The following FRY variants were observed in gnomAD, a reference collection of about 807,000 sequenced individuals.
FRY encodes the protein protein furry homolog.
In FRY, 128 loss-of-function variants were observed where a neutral mutation model predicts 348.4. The ratio of observed to expected loss-of-function variants is 0.37; its 90% CI spans 0.32 to 0.43. The LOEUF is 0.43. FRY is among the 20% of genes least tolerant of loss of function. FRY has a pLI of 1.00. For missense variants in FRY, 2,736 were observed against 3,695.2 expected (o/e 0.74, Z 6.73); for synonymous variants, 1,370 against 1,374.7 (o/e 1.00, Z 0.08).
intron 2 of FRY, among the ~76,000 whole-genome samples, chr13:32,099,315 C>T (rs1424278756): frequency 6.6e-6 from 1 of 151,462 alleles, no homozygotes; most frequent in Non-Finnish European, 1.5e-5. Flanking sequence ...ATCTAAAATA[C>T]AGAGATATAT....
intron 3 of FRY, among the ~76,000 whole-genome samples, chr13:32,115,688 T>C (rs780852397): frequency 6.6e-6 from 1 of 152,024 alleles, no homozygotes; most frequent in Non-Finnish European, 1.5e-5. Context: ...CTACCTTGAG[T>C]CTTTGCTTTT....
chr13:32,201,140 A>C (rs945058224), intron 29 of FRY, among the ~76,000 whole-genome samples: 2 of 152,178 alleles, frequency 1.3e-5, no homozygotes, highest in Non-Finnish European at 2.9e-5. Context: ...TATTTTATTC[A>C]GTCTACTACA....
chr13:32,056,142 G>GGTC (rs1405902110), intron 1 of FRY, among the ~76,000 whole-genome samples: 5 of 150,966 alleles, frequency 3.3e-5, no homozygotes, highest in Non-Finnish European at 7.4e-5. Flanking sequence ...AGTGAGCTGA[G>GGTC]GTCGCATCAC....
Position 32,140,784 on chromosome 13 carries a change from G to C in FRY, c.1179+3812G>C, listed in dbSNP as rs575802811. Among the ~76,000 whole-genome samples, 7 of 152,236 alleles carry C rather than the reference G, an allele frequency of 4.6e-5. No individual in the cohort carries two copies. The South Asian group carries it at 1.2e-3, about 27-fold the overall frequency. On this transcript the variant is annotated intron_variant, in intron 11 of 60. Transcript: ENST00000542859. ...GCTTGTGTATAGCACTTCAATATTT[G>C]TATGTAATAATTGCAATGAAGTTTG...
Position 32,239,144 on chromosome 13 carries a change from A to G in FRY, c.6419-108A>G. On this transcript the variant is annotated intron_variant, in intron 44 of 60. Transcript: ENST00000542859. This position sits in a 1 kb window ranked among gnomAD's most constrained non-coding sequence, Gnocchi z 4.3. ...AGATCATGTTTAAGCTGATTCAAAA[A>G]ACTGCTTTTGCATCACCTCAGTATA... 1.3e-6 allele frequency: 1 copy of G among 773,564 alleles called. No individual in the cohort carries two copies. Among genetic ancestry groups the G allele is most frequent in the Non-Finnish European group, 2.3e-6 (1 of 429,364 alleles). The allele number at this position is 773,564 out of a possible 1,614,324, so 47.9% of individuals were successfully genotyped here.
intron 13 of FRY, among the ~76,000 whole-genome samples, chr13:32,149,217 C>CTATA (rs35267646): frequency 1.1e-3 from 160 of 147,434 alleles, no homozygotes; most frequent in Middle Eastern, 0.011. Context: ...ACCTGTTATA[C>CTATA]TATATATATA....
chr13:32,080,897 G>A (rs923335853), intron 2 of FRY, among the ~76,000 whole-genome samples: 1 of 152,190 alleles, frequency 6.6e-6, no homozygotes, highest in Non-Finnish European at 1.5e-5. Context: ...CTGTGAAGTT[G>A]TACAAAAGTT....
intron 35 of FRY, among the ~76,000 whole-genome samples, chr13:32,216,866 A>C (rs1376278541): frequency 6.6e-6 from 1 of 152,204 alleles, no homozygotes; most frequent in Non-Finnish European, 1.5e-5. Context: ...AGAAGGTTTG[A>C]GGTATGAAGT....
chr13:32,166,346 C>G (rs917148222), intron 17 of FRY, among the ~76,000 whole-genome samples: 9 of 152,180 alleles, frequency 5.9e-5, no homozygotes, highest in Non-Finnish European at 1.3e-4. Context: ...TCTTTCTTTC[C>G]TGGTCTAGTT....
At chr13:32,238,753 A>C (rs1486168286) in intron 44 of FRY, among the ~76,000 whole-genome samples, 1 of 152,174 alleles carries the variant, frequency 6.6e-6, no homozygotes, top group Non-Finnish European at 1.5e-5. Flanking sequence ...CCCAGCCAAC[A>C]AACCAGATTT....
At chr13:32,142,329 G>A (rs1267413788) in intron 11 of FRY, among the ~76,000 whole-genome samples, 1 of 152,176 alleles carries the variant, frequency 6.6e-6, no homozygotes, top group Non-Finnish European at 1.5e-5. Flanking sequence ...TGACCTCTCT[G>A]TGCCTAGAAT....
At chr13:32,220,561 G>A (rs1885262388) in intron 36 of FRY, among the ~76,000 whole-genome samples, 1 of 152,226 alleles carries the variant, frequency 6.6e-6, no homozygotes, top group Non-Finnish European at 1.5e-5. Context: ...GATGAGGAAA[G>A]TAGTACTTGA....
chr13:32,180,424 G>A (rs1010581479), intron 23 of FRY, among the ~76,000 whole-genome samples: 3 of 152,032 alleles, frequency 2.0e-5, no homozygotes, highest in Non-Finnish European at 4.4e-5. Context: ...TAGTAGAGAC[G>A]GGGTTTCACC....
At position 32,299,057 on chromosome 13, in the gene FRY, G is replaced by A. The variant is rs964472914; in HGVS notation, c.*3597G>A. The A allele has an allele frequency of 6.6e-6, 1 of 152,210 alleles. No individual in the cohort carries two copies. Among genetic ancestry groups the A allele is most frequent in the Admixed American group, 6.5e-5 (1 of 15,288 alleles). 9.4% of individuals were successfully genotyped at this position (152,210 alleles called of 1,614,324 possible). ...TGAATGTACTTAATGCCAATGAATTGTGTACTTTAAAATGGTAAATTTTAT... is the reference window on the plus strand; with the variant it reads ...TGAATGTACTTAATGCCAATGAATTATGTACTTTAAAATGGTAAATTTTAT... On this transcript the variant is annotated 3_prime_UTR_variant, in exon 61 of 61. Coordinates refer to ENST00000542859, the MANE Select transcript of FRY (RefSeq NM_023037.3).
At position 32,131,855 on chromosome 13, in the gene FRY, A is replaced by G; in HGVS notation, c.885+15A>G. 1 of 1,601,760 alleles carries G rather than the reference A, an allele frequency of 6.2e-7. No individual in the cohort carries two copies. The highest frequency in any genetic ancestry group is 2.2e-5 in the East Asian group (1 of 44,812). On this transcript the variant is annotated intron_variant, in intron 8 of 60. Coordinates refer to ENST00000542859, the MANE Select transcript of FRY (RefSeq NM_023037.3). ...AGTTTATGCAGGTAATGTCTTAGGC[A>G]GGAGAGCTAAGGTGCTCTCAACTTG...
chr13:32,091,216 G>A (rs776944815), intron 2 of FRY, among the ~76,000 whole-genome samples: 45 of 152,298 alleles, frequency 3.0e-4, no homozygotes, highest in Non-Finnish European at 5.0e-4. Context: ...GGATGTCATA[G>A]GGTGATGTCC....
At chr13:32,247,627 G>C in intron 48 of FRY, 125 bp downstream of exon 48, 1 of 802,822 alleles carries the variant, frequency 1.2e-6, no homozygotes, top group South Asian at 1.5e-5. Context: ...ATTTCTAAGG[G>C]CTAAATTAGG....
In FRY at chr13:32,169,631, G is replaced by T. The variant is rs544069916; in HGVS notation, c.1893-1381G>T. Among the ~76,000 whole-genome samples the T allele has an allele frequency of 2.6e-5, 4 of 152,212 alleles. No individual in the cohort carries two copies. The East Asian group carries it at 7.7e-4, about 29-fold the overall frequency. On this transcript the variant is annotated intron_variant, in intron 17 of 60. Coordinates refer to ENST00000542859, the MANE Select transcript of FRY (RefSeq NM_023037.3). ...CCCTGAGTGGCCCAAAGACCCTTCAGTTGAGCTGCCTCTGCTTCCTCTCCA... is the reference window on the plus strand; with the variant it reads ...CCCTGAGTGGCCCAAAGACCCTTCATTTGAGCTGCCTCTGCTTCCTCTCCA...
rs61006034 is a variant in FRY, at chr13:32,095,337, C to CTTTTTTTTTTTTT, written c.271-6610_271-6598dup. Among the ~76,000 whole-genome samples, 2 of 58,292 alleles carry CTTTTTTTTTTTTT rather than the reference C, an allele frequency of 3.4e-5. 1 individual carries two copies. 38.2% of individuals were successfully genotyped at this position (58,292 alleles called of 152,430 possible). A position where few individuals can be genotyped will look rare whatever the true frequency, so the allele number is the denominator to read the frequency against. On this transcript the variant is annotated intron_variant, in intron 2 of 60. Transcript: ENST00000542859. ...GATTGTTTCCTTTGCTGTATGGAAGCTTTTTTTTTTTTTTTTTTTTTTTTT... is the reference window on the plus strand; with the variant it reads ...GATTGTTTCCTTTGCTGTATGGAAGCTTTTTTTTTTTTTTTTTTTTTTTTTTTTTTTTTTTTTT...
Sources: gnomAD v4.1 joint callset for allele counts (sites outside exome capture counted in the v4.1 genomes callset) on GRCh38, gnomAD v4.1.1 for gene constraint, Gnocchi (gnomAD v3.1) non-coding constraint, MANE v1.5 for transcripts, NCBI Gene and HGNC (gene_info 2026-07-23, HGNC 2026-07-21) for gene names.